ZNF644: variants seen among roughly 807,000 people sequenced by gnomAD.
The protein encoded by ZNF644 is zinc finger protein 644, also known as zinc finger motif enhancer binding protein 2.
Under a neutral mutation model 108.0 loss-of-function variants are expected in ZNF644, and 20 were observed. The ratio of observed to expected loss-of-function variants is 0.19; its 90% CI spans 0.13 to 0.27. ZNF644 has a LOEUF of 0.27. Among genes scored for constraint, ZNF644 ranks in the 10% least tolerant of loss-of-function variants. ZNF644 has a pLI of 1.00. For synonymous variants in ZNF644, 542 were observed against 539.1 expected (o/e 1.01, Z -0.08); for missense variants, 1,338 against 1,548.9 (o/e 0.86, Z 2.29).
Position 90,940,773 on chromosome 1 carries a change from A to G in ZNF644, c.581T>C (p.Leu194Pro). 1 of 1,614,002 alleles carries G rather than the reference A, an allele frequency of 6.2e-7. No homozygotes were observed. The highest frequency in any genetic ancestry group is 1.1e-5 in the South Asian group (1 of 91,076). ...ACAACCAACTGAAGCAGAGGTAGGT[A>G]GTTTTTTATTGGAATGGGTGGGATT... ...AKNPTHSNKK[L>P]PTSASVGCDI... Residue 194 changes from leucine (L) to proline (P), a missense_variant, in exon 3 of 6, where the codon CTA becomes CCA. Leu to Pro is a moderately conservative substitution (Grantham distance 98). Transcript: ENST00000337393.
intron 1 of ZNF644, among the ~76,000 whole-genome samples, chr1:91,002,786 A>G (rs1216941410): frequency 6.6e-6 from 1 of 152,254 alleles, no homozygotes; most frequent in Non-Finnish European, 1.5e-5. Flanking sequence ...CTCATCTGAC[A>G]AAGGGCTAAT....
At chr1:90,963,693 T>A (rs1273956246) in intron 2 of ZNF644, among the ~76,000 whole-genome samples, 1 of 152,184 alleles carries the variant, frequency 6.6e-6, no homozygotes, top group Non-Finnish European at 1.5e-5. Flanking sequence ...TCTGTATATT[T>A]CTGAAAAATT....
chr1:90,933,664 A>AAAAT (rs879644390), intron 4 of ZNF644, among the ~76,000 whole-genome samples: 2 of 72,792 alleles, frequency 2.7e-5, no homozygotes, highest in Non-Finnish European at 7.4e-5. Context: ...ACTCCGTCTC[A>AAAAT]AAATAAATAA....
rs1651879353 is a variant in ZNF644, at chr1:90,940,789, G to A, written c.565C>T (p.His189Tyr). Residue 189 changes from histidine to tyrosine, a missense_variant, in exon 3 of 6, where the codon CAT becomes TAT. His to Tyr is a moderately conservative substitution (Grantham distance 83, BLOSUM62 2). This residue lies in a region of ZNF644 where 464 missense variants were observed against 457.9 expected (regional missense o/e 1.01). Transcript: ENST00000337393. ...SDVAHAKNPT[H>Y]SNKKLPTSAS... ...GAGGTAGGTAGTTTTTTATTGGAATGGGTGGGATTCTTAGCATGTGCTACA... is the reference window on the plus strand; with the variant it reads ...GAGGTAGGTAGTTTTTTATTGGAATAGGTGGGATTCTTAGCATGTGCTACA... 2.5e-6 allele frequency: 4 copies of A among 1,613,934 alleles called. No homozygotes were observed. The highest frequency in any genetic ancestry group is 1.7e-6 in the Non-Finnish European group (2 of 1,179,970).
intron 2 of ZNF644, among the ~76,000 whole-genome samples, chr1:90,946,244 A>C (rs1652507746): frequency 6.6e-6 from 1 of 152,162 alleles, no homozygotes; most frequent in African/African-American, 2.4e-5. Flanking sequence ...AGAAGACAGA[A>C]TGTATCATCC....
intron 4 of ZNF644, among the ~76,000 whole-genome samples, chr1:90,930,864 C>T (rs1557553999): frequency 6.6e-6 from 1 of 152,156 alleles, no homozygotes; most frequent in African/African-American, 2.4e-5. Context: ...GACAGATCTA[C>T]TTCCTTTAAC....
At chr1:90,990,894 C>T (rs1235147644) in intron 1 of ZNF644, among the ~76,000 whole-genome samples, 1 of 151,980 alleles carries the variant, frequency 6.6e-6, no homozygotes, top group African/African-American at 2.4e-5. Flanking sequence ...AGAGACAGAC[C>T]CCCAAAAAGG....
chr1:90,953,298 ATTTT>A (rs10586999), intron 2 of ZNF644, among the ~76,000 whole-genome samples: 1 of 142,920 alleles, frequency 7.0e-6, no homozygotes, highest in Non-Finnish European at 1.5e-5. Flanking sequence ...ATGAGCCACC[ATTTT>A]TTTTTTTTTT....
At chr1:90,999,354 C>G (rs989454868) in intron 1 of ZNF644, among the ~76,000 whole-genome samples, 1 of 152,216 alleles carries the variant, frequency 6.6e-6, no homozygotes, top group African/African-American at 2.4e-5. Context: ...TCGGCAGAAA[C>G]TCTACAAGCC....
At chr1:90,978,912 A>G (rs191872573) in intron 2 of ZNF644, among the ~76,000 whole-genome samples, 2 of 152,308 alleles carry the variant, frequency 1.3e-5, no homozygotes, top group East Asian at 3.9e-4. Context: ...GGAAGACAGA[A>G]GGAACAGCAT....
chr1:90,989,056 A>G (rs1657387005), intron 1 of ZNF644, among the ~76,000 whole-genome samples: 1 of 152,224 alleles, frequency 6.6e-6, no homozygotes, highest in African/African-American at 2.4e-5. Context: ...CTGTACATCA[A>G]AAGAAGTAAT....
At chr1:90,932,711 C>T (rs1650876606) in intron 4 of ZNF644, among the ~76,000 whole-genome samples, 1 of 151,874 alleles carries the variant, frequency 6.6e-6, no homozygotes, top group South Asian at 2.1e-4. Context: ...TGAAAAAAAA[C>T]TTCTTAGTTG....
In ZNF644 at chr1:90,953,421, T is replaced by G. The variant is rs568736349; in HGVS notation, c.45-12112A>C. Among the ~76,000 whole-genome samples, 10 of 151,394 alleles carry G rather than the reference T, an allele frequency of 6.6e-5. No individual in the cohort carries two copies. The South Asian group carries it at 1.0e-3, about 16-fold the overall frequency. On this transcript the variant is annotated intron_variant, in intron 2 of 5. Coordinates refer to ENST00000337393, the MANE Select transcript of ZNF644 (RefSeq NM_201269.3). ...GGAGAGCATCAGGAAAAATAGCTAA[T>G]GCATGCTGGGCTTAATATGTAGGTG...
chr1:91,015,853 G>A (rs1660386376), intron 1 of ZNF644, among the ~76,000 whole-genome samples: 1 of 152,104 alleles, frequency 6.6e-6, no homozygotes, highest in Admixed American at 6.5e-5. Context: ...TTAAACAATG[G>A]TAATAATAAC....
At position 91,009,480 on chromosome 1, in the gene ZNF644, T is replaced by G. The variant is rs548823656; in HGVS notation, c.-18+12510A>C. Reference sequence around the variant, plus strand: ...ACATTTTAAGAACATTATTTTCCTATAAAAGCAGAGTATTCCCAAATGTTC... The same window carrying G: ...ACATTTTAAGAACATTATTTTCCTAGAAAAGCAGAGTATTCCCAAATGTTC... On this transcript the variant is annotated intron_variant, in intron 1 of 5. Coordinates refer to ENST00000337393, the MANE Select transcript of ZNF644 (RefSeq NM_201269.3). 1.3e-4 allele frequency among the ~76,000 whole-genome samples: 20 copies of G among 152,298 alleles called. No individual in the cohort carries two copies. In the South Asian group the frequency reaches 3.1e-3, roughly 24 times the overall value.
chr1:91,016,150 G>A (rs1660415709), intron 1 of ZNF644, among the ~76,000 whole-genome samples: 1 of 152,136 alleles, frequency 6.6e-6, no homozygotes, highest in Non-Finnish European at 1.5e-5. Flanking sequence ...TAGTGAGTCA[G>A]TAGCAAACAA....
At chr1:90,920,120 G>T (rs1322594) in intron 4 of ZNF644, among the ~76,000 whole-genome samples, 1 of 152,016 alleles carries the variant, frequency 6.6e-6, no homozygotes, top group African/African-American at 2.4e-5. Flanking sequence ...GGAACTCAAA[G>T]AGTAAGTGCT....
intron 2 of ZNF644, among the ~76,000 whole-genome samples, chr1:90,954,652 CTG>C (rs1653559216): frequency 6.6e-6 from 1 of 152,214 alleles, no homozygotes; most frequent in Non-Finnish European, 1.5e-5. Flanking sequence ...AGTGATCCAC[CTG>C]CCTTGGCCTC....
At chr1:91,019,756 G>A (rs1035235974) in intron 1 of ZNF644, among the ~76,000 whole-genome samples, 2 of 152,008 alleles carry the variant, frequency 1.3e-5, no homozygotes, top group African/African-American at 2.4e-5. Flanking sequence ...TAGTAGAGAC[G>A]GGGTTTCACC....
Sources: allele counts gnomAD v4.1 joint callset (sites outside exome capture counted in the v4.1 genomes callset), GRCh38; gene constraint gnomAD v4.1.1; regional missense constraint gnomAD v4.1.1; transcripts MANE v1.5; gene names NCBI Gene and HGNC (gene_info 2026-07-23, HGNC 2026-07-21).